Variants in HBS1L observed in about 807,000 individuals in gnomAD.
HBS1L encodes HBS1 like translational GTPase, also known as HBS1-like protein.
Under a neutral mutation model 88.9 loss-of-function variants are expected in HBS1L, and 55 were observed. The observed-to-expected ratio is 0.62, with a 90% CI of 0.50 to 0.77. HBS1L has a LOEUF of 0.77. HBS1L is among the 30% of genes least tolerant of loss of function. The probability of loss-of-function intolerance (pLI) is 0.00; values close to 1 mark genes in which losing one functional copy is unlikely to be tolerated. For synonymous variants in HBS1L, 267 were observed against 288.5 expected (o/e 0.93, Z 0.76); for missense variants, 741 against 829.3 (o/e 0.89, Z 1.31).
chr6:134,997,078 A>G, intron 6 of HBS1L, 136 bp from the exon 7 acceptor site: 1 of 721,650 alleles, frequency 1.4e-6, no homozygotes, highest in Non-Finnish European at 2.3e-6. Flanking sequence ...GACAGTTAAA[A>G]CATCTAATAG....
intron 15 of HBS1L, among the ~76,000 whole-genome samples, chr6:134,975,060 A>C (rs1018680902): frequency 6.6e-6 from 1 of 152,216 alleles, no homozygotes; most frequent in African/African-American, 2.4e-5. Flanking sequence ...TGAATTCAGT[A>C]AAGTCTCAGG....
chr6:135,012,764 C>T (rs1206948368), intron 4 of HBS1L, among the ~76,000 whole-genome samples: 1 of 152,132 alleles, frequency 6.6e-6, no homozygotes, highest in East Asian at 1.9e-4. Context: ...CATGCAAAAG[C>T]CACTACTTTC....
At chr6:135,037,540 G>A in intron 4 of HBS1L, 1 of 1,550,670 alleles carries the variant, frequency 6.4e-7, no homozygotes, top group South Asian at 1.2e-5. Flanking sequence ...TTGAAAATCA[G>A]ACAGTGAATT....
chr6:134,984,105 G>A (rs1357708934), intron 12 of HBS1L, among the ~76,000 whole-genome samples: 1 of 152,118 alleles, frequency 6.6e-6, no homozygotes, highest in African/African-American at 2.4e-5. Flanking sequence ...GGGAACAGAA[G>A]GTGAGAAAGT....
At chr6:135,046,824 T>G (rs1307828367) in intron 2 of HBS1L, among the ~76,000 whole-genome samples, 2 of 152,204 alleles carry the variant, frequency 1.3e-5, no homozygotes, top group Admixed American at 1.3e-4. Flanking sequence ...TCAATGACAT[T>G]AGCTGCTTAA....
intron 4 of HBS1L, chr6:135,037,913 C>A: frequency 2.6e-6 from 4 of 1,551,218 alleles, no homozygotes; most frequent in Non-Finnish European, 3.5e-6. Flanking sequence ...CCGTATTTTC[C>A]TACTGAGCTA....
intron 12 of HBS1L, chr6:134,983,681 A>C (rs917099220): frequency 6.6e-6 from 1 of 152,204 alleles, no homozygotes; most frequent in African/African-American, 2.4e-5. Context: ...AAGTGTGTGG[A>C]GAATGAGTGA....
intron 15 of HBS1L, among the ~76,000 whole-genome samples, chr6:134,975,598 A>G (rs1179135175): frequency 2.0e-5 from 3 of 152,302 alleles, no homozygotes; most frequent in Admixed American, 1.3e-4. Flanking sequence ...CCAGAAACAA[A>G]GCCAAATACT....
chr6:135,037,572 A>G lies in HBS1L; in HGVS notation c.430+2001T>C, dbSNP rs151118968. On this transcript the variant is annotated intron_variant, in intron 4 of 17. Coordinates refer to ENST00000367837, the MANE Select transcript of HBS1L (RefSeq NM_006620.4). Reference sequence around the variant, plus strand: ...AATTATTTTGAATATATAAAGAATTATTCGGTGTTGTGCCCTTTATGATTA... The same window carrying G: ...AATTATTTTGAATATATAAAGAATTGTTCGGTGTTGTGCCCTTTATGATTA... The G allele has an allele frequency of 1.0e-3, 1,581 of 1,549,768 alleles. 6 individuals carry two copies. Among genetic ancestry groups the G allele is most frequent in the African/African-American group, 7.6e-3 (555 of 73,150 alleles).
chr6:135,044,545 T>C (rs1225260822), intron 2 of HBS1L, among the ~76,000 whole-genome samples: 1 of 152,186 alleles, frequency 6.6e-6, no homozygotes, highest in Non-Finnish European at 1.5e-5. Context: ...ATCTCAGAAT[T>C]AGAGATGTGT....
intron 2 of HBS1L, among the ~76,000 whole-genome samples, chr6:135,043,937 A>G (rs1776831757): frequency 6.6e-6 from 1 of 152,222 alleles, no homozygotes; most frequent in Non-Finnish European, 1.5e-5. Context: ...CTGCATAATA[A>G]CAACACATAT....
intron 1 of HBS1L, among the ~76,000 whole-genome samples, chr6:135,052,434 T>C (rs1460988500): frequency 1.3e-5 from 2 of 151,652 alleles, no homozygotes; most frequent in African/African-American, 4.8e-5. Context: ...TAACCGGGCA[T>C]GGGGGCACAT....
At chr6:134,991,253 C>T (rs1775129161) in intron 8 of HBS1L, among the ~76,000 whole-genome samples, 1 of 152,108 alleles carries the variant, frequency 6.6e-6, no homozygotes, top group Non-Finnish European at 1.5e-5. Context: ...GTAGCCTTTG[C>T]ATATAGCCTA....
intron 8 of HBS1L, 62 bp from the exon 9 acceptor site, chr6:134,987,853 A>C: frequency 1.5e-6 from 2 of 1,360,452 alleles, no homozygotes; most frequent in Non-Finnish European, 9.7e-7. Context: ...CAAAGGACAG[A>C]TTATTCAATT....
chr6:135,024,454 A>C (rs1161396372), intron 4 of HBS1L, among the ~76,000 whole-genome samples: 1 of 149,480 alleles, frequency 6.7e-6, no homozygotes, highest in African/African-American at 2.5e-5. Context: ...AAAAAAAAAA[A>C]AAAAAAAACA....
chr6:135,041,740 C>T (rs1776742705), intron 3 of HBS1L, among the ~76,000 whole-genome samples: 1 of 151,994 alleles, frequency 6.6e-6, no homozygotes, highest in Non-Finnish European at 1.5e-5. Flanking sequence ...AGTTTCTCTC[C>T]CATGGAAAAA....
intron 2 of HBS1L, among the ~76,000 whole-genome samples, chr6:135,049,871 C>A (rs1394245000): frequency 6.6e-6 from 1 of 152,236 alleles, no homozygotes; most frequent in Non-Finnish European, 1.5e-5. Context: ...CGTACCTGGC[C>A]TACACCATAC....
intron 13 of HBS1L, 137 bp downstream of exon 13, chr6:134,982,321 C>T: frequency 3.3e-6 from 2 of 600,200 alleles, no homozygotes; most frequent in Non-Finnish European, 3.0e-6. Context: ...TAATCTTCAA[C>T]AGTCAGTATC....
At chr6:135,053,126 G>A (rs574665230) in intron 1 of HBS1L, among the ~76,000 whole-genome samples, 1 of 152,234 alleles carries the variant, frequency 6.6e-6, no homozygotes, top group South Asian at 2.1e-4. Flanking sequence ...CTAACCTCAA[G>A]AAGCCAAGGT....
Sources: allele counts gnomAD v4.1 joint callset (sites outside exome capture counted in the v4.1 genomes callset), GRCh38; gene constraint gnomAD v4.1.1; transcripts MANE v1.5; gene names NCBI Gene and HGNC (gene_info 2026-07-23, HGNC 2026-07-21).